The following EIF5 variants were observed in gnomAD, a reference collection of about 807,000 sequenced individuals.
EIF5 encodes eukaryotic translation initiation factor 5.
EIF5 carries 10 observed loss-of-function variants against 48.3 expected under a neutral mutation model. The ratio of observed to expected loss-of-function variants is 0.21; its 90% CI spans 0.13 to 0.35. The LOEUF is 0.35. Among genes scored for constraint, EIF5 ranks in the 10% least tolerant of loss-of-function variants. The pLI is 1.00. For missense variants in EIF5, 397 were observed against 533.2 expected (o/e 0.74, Z 2.51); for synonymous variants, 237 against 173.1 (o/e 1.37, Z -2.90).
chr14:103,338,146 C>G, intron 6 of EIF5, 181 bp from the exon 7 acceptor site: 1 of 853,352 alleles, frequency 1.2e-6, no homozygotes, highest in Non-Finnish European at 1.9e-6. Context: ...GACTAACATT[C>G]TTACGTATGA....
intron 4 of EIF5, 187 bp from the exon 5 acceptor site, chr14:103,336,490 A>C: frequency 1.6e-6 from 1 of 611,878 alleles, no homozygotes; most frequent in East Asian, 3.0e-5. Flanking sequence ...CTGAAGGGGG[A>C]GAATCGCTTG....
intron 8 of EIF5, 35 bp downstream of exon 8, chr14:103,338,928 A>T: frequency 6.2e-7 from 1 of 1,603,924 alleles, no homozygotes; most frequent in Non-Finnish European, 8.5e-7. Flanking sequence ...ATCAGCTTCA[A>T]CCCAGCCTTG....
In EIF5 at chr14:103,335,852, T is replaced by C. The variant is rs1376200436; in HGVS notation, c.-9T>C. On this transcript the variant is annotated 5_prime_UTR_variant, in exon 3 of 12. Transcript: ENST00000216554. ...TTCATCTTATTGATAAAGCCACTAA[T>C]AAGCCAAAATGTCTGTCAATGTCAA... is the stretch of plus-strand genomic sequence containing the variant. 6.2e-7 allele frequency: 1 copy of C among 1,613,850 alleles called. No individual in the cohort carries two copies. The highest frequency in any genetic ancestry group is 1.3e-5 in the African/African-American group (1 of 75,032).
intron 6 of EIF5, chr14:103,337,998 G>T (rs925705979): frequency 3.2e-5 from 18 of 556,388 alleles, no homozygotes; most frequent in Admixed American, 2.9e-4. Flanking sequence ...GCTAAAGCTG[G>T]GTTGAGTTAA....
intron 5 of EIF5, 120 bp downstream of exon 5, chr14:103,336,969 T>A: frequency 7.2e-7 from 1 of 1,392,528 alleles, no homozygotes; most frequent in Non-Finnish European, 9.7e-7. Context: ...AAACTCCAGT[T>A]TTCGAGATAT....
rs1322400579 is a variant in EIF5, at chr14:103,343,816, A to G, written c.*2764A>G. The G allele has an allele frequency of 6.6e-6, 1 of 152,246 alleles. No individual in the cohort carries two copies. Among genetic ancestry groups the G allele is most frequent in the Non-Finnish European group, 1.5e-5 (1 of 68,044 alleles). 9.4% of individuals were successfully genotyped at this position (152,246 alleles called of 1,614,324 possible). ...TTGTACCAAGGTCACTTATCTAACA[A>G]AATAACCCTTCATGTATTTTAAATT... On this transcript the variant is annotated 3_prime_UTR_variant, in exon 12 of 12. Transcript: ENST00000216554.
intron 6 of EIF5, chr14:103,337,804 C>G: frequency 2.1e-6 from 1 of 478,008 alleles, no homozygotes; most frequent in Non-Finnish European, 4.1e-6. Context: ...CTTTTACTGG[C>G]ATTGTTTGGT....
chr14:103,340,663 T>G (rs944873232), intron 11 of EIF5, 102 bp downstream of exon 11: 18 of 1,464,450 alleles, frequency 1.2e-5, no homozygotes, highest in Middle Eastern at 1.9e-4. Flanking sequence ...TGGGGTAATT[T>G]CAGGTTTAGA....
Position 103,341,120 on chromosome 14 carries a change from C to A in EIF5, c.*68C>A. 1 of 1,443,270 alleles carries A rather than the reference C, an allele frequency of 6.9e-7. No homozygotes were observed. Among genetic ancestry groups the A allele is most frequent in the Non-Finnish European group, 9.7e-7 (1 of 1,027,348 alleles). 89.4% of individuals were successfully genotyped at this position (1,443,270 alleles called of 1,614,324 possible). A position where few individuals can be genotyped will look rare whatever the true frequency, so the allele number is the denominator to read the frequency against. Reference sequence around the variant, plus strand: ...TTTCCTCCATTATCAGCCAGAAGTGCAACATGTATGTGCAAAAGCTAAAAT... The same window carrying A: ...TTTCCTCCATTATCAGCCAGAAGTGAAACATGTATGTGCAAAAGCTAAAAT... On this transcript the variant is annotated 3_prime_UTR_variant, in exon 12 of 12. Coordinates refer to ENST00000216554, the MANE Select transcript of EIF5 (RefSeq NM_001969.5).
At position 103,335,808 on chromosome 14, in the gene EIF5, A is replaced by G; in HGVS notation, c.-53A>G. The stretch of plus-strand genomic sequence containing the variant: ...CTTCTCCAGACAGAAGATACCAAAA[A>G]GTTGCAATCAAAGATCTCTTCATCT... On this transcript the variant is annotated 5_prime_UTR_variant, in exon 3 of 12. Coordinates refer to ENST00000216554, the MANE Select transcript of EIF5 (RefSeq NM_001969.5). 1 of 1,591,724 alleles carries G rather than the reference A, an allele frequency of 6.3e-7. No homozygotes were observed. Among genetic ancestry groups the G allele is most frequent in the Non-Finnish European group, 8.6e-7 (1 of 1,159,930 alleles).
chr14:103,336,893 C>T (rs1463827042), intron 5 of EIF5, 44 bp downstream of exon 5: 14 of 1,571,100 alleles, frequency 8.9e-6, no homozygotes, highest in Non-Finnish European at 1.0e-5. Context: ...CATATACCTG[C>T]TTCTGTGATA....
Position 103,341,082 on chromosome 14 carries a change from T to C in EIF5, c.*30T>C, listed in dbSNP as rs779082535. 6.2e-7 allele frequency: 1 copy of C among 1,605,362 alleles called. No homozygotes were observed. Among genetic ancestry groups the C allele is most frequent in the South Asian group, 1.1e-5 (1 of 90,838 alleles). On this transcript the variant is annotated 3_prime_UTR_variant, in exon 12 of 12. Transcript: ENST00000216554. ...ATGGATGCAACCTAGCTTAACAGTA[T>C]AATGCTGCAAATTTTCCTCCATTAT...
Position 103,335,718 on chromosome 14 carries a change from C to T in EIF5, c.-143C>T, listed in dbSNP as rs1019110350. On this transcript the variant is annotated 5_prime_UTR_variant, in exon 3 of 12. Transcript: ENST00000216554. ...AGCATACAAGCAAGAAGCTTACAGCCTCAGTGGCGAAAATTTTTTCATGTC... is the reference window on the plus strand; with the variant it reads ...AGCATACAAGCAAGAAGCTTACAGCTTCAGTGGCGAAAATTTTTTCATGTC... 1.4e-4 allele frequency: 116 copies of T among 809,524 alleles called. No individual in the cohort carries two copies. Among genetic ancestry groups the T allele is most frequent in the Non-Finnish European group, 2.0e-4 (99 of 492,506 alleles). 50.1% of individuals were successfully genotyped at this position (809,524 alleles called of 1,614,324 possible).
At chr14:103,339,859 T>TTTGGTTGATTGTTTTTGG (rs2089332692) in intron 10 of EIF5, 56 bp downstream of exon 10, 1 of 1,560,196 alleles carries the variant, frequency 6.4e-7, no homozygotes, top group African/African-American at 1.4e-5. Flanking sequence ...GGTTTTTTTG[T>TTTGGTTGATTGTTTTTGG]TTGGTTGATT....
At position 103,339,216 on chromosome 14, in the gene EIF5, C is replaced by T. The variant is rs755166178; in HGVS notation, c.789C>T (p.Ile263=). 22 of 1,609,884 alleles carry T rather than the reference C, an allele frequency of 1.4e-5. No individual in the cohort carries two copies. Among genetic ancestry groups the T allele is most frequent in the South Asian group, 3.3e-5 (3 of 89,950 alleles). Residue 263 remains isoleucine (I), a synonymous_variant, in exon 9 of 12, where the codon ATC becomes ATT. Coordinates refer to ENST00000216554, the MANE Select transcript of EIF5 (RefSeq NM_001969.5). ...EGVIDSSDKE[I]VAEAERLDVK... ...TTATTGATTCATCTGACAAAGAAATCGTTGCTGAAGCAGAAAGACTGGATG... is the reference window on the plus strand; with the variant it reads ...TTATTGATTCATCTGACAAAGAAATTGTTGCTGAAGCAGAAAGACTGGATG...
At chr14:103,334,839 G>A (rs2089264183) in intron 2 of EIF5, 1 of 151,956 alleles carries the variant, frequency 6.6e-6, no homozygotes, top group Non-Finnish European at 1.5e-5. Context: ...CTGCATTTGT[G>A]AGTCATCGCG....
intron 2 of EIF5, chr14:103,335,376 G>C (rs2089272836): frequency 3.8e-5 from 6 of 157,540 alleles, no homozygotes; most frequent in Admixed American, 3.7e-4. Flanking sequence ...GATTGCCCTC[G>C]GTCTGATGGA....
intron 10 of EIF5, 40 bp from the exon 11 acceptor site, chr14:103,340,386 TA>T (rs2089339016): frequency 6.3e-7 from 1 of 1,579,844 alleles, no homozygotes. Flanking sequence ...CAAAAGTTGT[TA>T]AAATTCCTCA....
In EIF5 at chr14:103,341,066, A is replaced by C; in HGVS notation, c.*14A>C. 1 of 1,613,194 alleles carries C rather than the reference A, an allele frequency of 6.2e-7. No homozygotes were observed. The highest frequency in any genetic ancestry group is 8.5e-7 in the Non-Finnish European group (1 of 1,179,196). On this transcript the variant is annotated 3_prime_UTR_variant, in exon 12 of 12. Coordinates refer to ENST00000216554, the MANE Select transcript of EIF5 (RefSeq NM_001969.5). The stretch of plus-strand genomic sequence containing the variant: ...GATGCCATTTAAAGGGATGGATGCA[A>C]CCTAGCTTAACAGTATAATGCTGCA...
Sources: allele counts gnomAD v4.1 joint callset, GRCh38; gene constraint gnomAD v4.1.1; transcripts MANE v1.5; gene names NCBI Gene and HGNC (gene_info 2026-07-23, HGNC 2026-07-21).